The following ZFHX3 variants were observed in gnomAD, a reference collection of about 807,000 sequenced individuals.
The protein encoded by ZFHX3 is zinc finger homeobox protein 3.
Under a neutral mutation model 279.1 loss-of-function variants are expected in ZFHX3, and 42 were observed. The observed-to-expected ratio is 0.15, with a 90% CI of 0.12 to 0.19. The LOEUF (loss-of-function observed/expected upper bound fraction) is 0.19. ZFHX3 is among the 10% of genes least tolerant of loss of function. ZFHX3 has a pLI of 1.00. For synonymous variants in ZFHX3, 2,293 were observed against 1,957.8 expected, an observed-to-expected ratio of 1.17 and a Z score of -4.52; for missense variants, 4,981 against 4,754.0, an observed-to-expected ratio of 1.05 and a Z score of -1.40.
intron 3 of ZFHX3, among the ~76,000 whole-genome samples, chr16:73,321,782 C>T (rs545067996): frequency 1.3e-5 from 2 of 152,224 alleles, no homozygotes; most frequent in African/African-American, 2.4e-5. Flanking sequence ...CCAGCTTTGT[C>T]CCTCTCCCCC....
chr16:73,810,359 G>A (rs1043179014), intron 1 of ZFHX3, among the ~76,000 whole-genome samples: 1 of 152,050 alleles, frequency 6.6e-6, no homozygotes, highest in Non-Finnish European at 1.5e-5. Flanking sequence ...TTTCCTATTT[G>A]CATAGAAAGT....
chr16:73,430,066 T>G (rs2017885055), intron 3 of ZFHX3, among the ~76,000 whole-genome samples: 1 of 151,994 alleles, frequency 6.6e-6, no homozygotes, highest in South Asian at 2.1e-4. Flanking sequence ...AAAAAATTTT[T>G]TTTTGTAGAG....
chr16:73,772,730 A>G (rs1216812560), intron 1 of ZFHX3, among the ~76,000 whole-genome samples: 1 of 152,070 alleles, frequency 6.6e-6, no homozygotes, highest in Non-Finnish European at 1.5e-5. Flanking sequence ...GGTATTCTTC[A>G]CCTGGCCATT....
intron 1 of ZFHX3, among the ~76,000 whole-genome samples, chr16:73,853,064 C>G (rs1597144406): frequency 6.6e-6 from 1 of 152,268 alleles, no homozygotes; most frequent in East Asian, 1.9e-4. Flanking sequence ...GGTCAATAAA[C>G]ACATGAAACA....
intron 1 of ZFHX3, among the ~76,000 whole-genome samples, chr16:72,963,694 C>T (rs532115065): frequency 6.6e-6 from 1 of 152,178 alleles, no homozygotes; most frequent in Non-Finnish European, 1.5e-5. Context: ...ACGTTCATCT[C>T]CCTCTTTAAA....
chr16:73,630,330 G>T (rs894827834), intron 2 of ZFHX3, among the ~76,000 whole-genome samples: 1 of 152,230 alleles, frequency 6.6e-6, no homozygotes, highest in Non-Finnish European at 1.5e-5. Context: ...CCTGCTCTCA[G>T]AAGGAACAAG....
chr16:73,113,298 A>G (rs1361797129), intron 7 of ZFHX3, among the ~76,000 whole-genome samples: 6 of 152,194 alleles, frequency 3.9e-5, no homozygotes, highest in African/African-American at 1.4e-4. Flanking sequence ...ACAATATAAG[A>G]TCTTTCACCA....
intron 3 of ZFHX3, among the ~76,000 whole-genome samples, chr16:73,372,141 A>T (rs1331857224): frequency 6.6e-6 from 1 of 152,166 alleles, no homozygotes; most frequent in Non-Finnish European, 1.5e-5. Context: ...GGTGATCCGG[A>T]GTTGAGAAAT....
intron 1 of ZFHX3, among the ~76,000 whole-genome samples, chr16:73,001,432 G>C (rs571988493): frequency 6.6e-6 from 1 of 152,170 alleles, no homozygotes; most frequent in African/African-American, 2.4e-5. Context: ...AAGATAATAA[G>C]TGCTTGCCAT....
rs149765590 is a variant in ZFHX3 at position 73,598,229 on chromosome 16, G to C, written c.-1547+81951C>G. Among the ~76,000 whole-genome samples the C allele has an allele frequency of 2.0e-4, 31 of 152,218 alleles. No homozygotes were observed. The East Asian group carries it at 5.6e-3, about 28-fold the overall frequency. ...TTTCTGCATTTCAGAGAGCTTACCA[G>C]CTTGTATCTACTTTTATTTTCTCTG... On this transcript the variant is annotated intron_variant, in intron 2 of 17. Transcript: ENST00000641206.
chr16:73,058,607 T>C, exon 1 of ZFHX3: 1 of 216,636 alleles, frequency 4.6e-6, no homozygotes, highest in Non-Finnish European at 8.7e-6. Flanking sequence ...GCGGCGCTTT[T>C]AATCCCGAAA....
chr16:73,304,567 C>T (rs1162656868), intron 4 of ZFHX3, among the ~76,000 whole-genome samples: 1 of 152,196 alleles, frequency 6.6e-6, no homozygotes, highest in Non-Finnish European at 1.5e-5. Context: ...AAAATATGAG[C>T]GCATGCTCCC....
At chr16:73,713,565 A>C (rs929496801) in intron 1 of ZFHX3, among the ~76,000 whole-genome samples, 6 of 152,116 alleles carry the variant, frequency 3.9e-5, no homozygotes, top group African/African-American at 1.4e-4. Flanking sequence ...GACAGCTTTC[A>C]AAGTACCCGC....
intron 3 of ZFHX3, among the ~76,000 whole-genome samples, chr16:73,437,235 G>A (rs944804975): frequency 6.6e-5 from 10 of 152,156 alleles, no homozygotes; most frequent in African/African-American, 2.2e-4. Flanking sequence ...AAAAAACTTA[G>A]GGCCAGAGAG....
At position 72,851,956 on chromosome 16, in the gene ZFHX3, A is replaced by G. The variant is rs114992310; in HGVS notation, c.3449-22097T>C. 5.3e-3 allele frequency among the ~76,000 whole-genome samples: 800 copies of G among 152,302 alleles called. 13 individuals carry two copies. Among genetic ancestry groups the G allele is most frequent in the African/African-American group, 0.018 (733 of 41,566 alleles). On this transcript the variant is annotated intron_variant, in intron 4 of 9. Coordinates refer to ENST00000268489, the MANE Select transcript of ZFHX3 (RefSeq NM_006885.4). ...TGAACTAGTTACGTGGCCAAGTTAA[A>G]CAGCTTTTGCGTAGACTTTAGCATA...
intron 1 of ZFHX3, among the ~76,000 whole-genome samples, chr16:73,859,932 C>T (rs1484134287): frequency 2.0e-5 from 3 of 152,104 alleles, no homozygotes; most frequent in Non-Finnish European, 2.9e-5. Flanking sequence ...GCAGCAGGGG[C>T]GGCCTGTAGA....
chr16:72,944,369 T>C (rs1960561034), intron 3 of ZFHX3, among the ~76,000 whole-genome samples: 1 of 152,164 alleles, frequency 6.6e-6, no homozygotes, highest in African/African-American at 2.4e-5. Flanking sequence ...TGTGTACAGA[T>C]ACATACACAC....
At chr16:73,585,505 T>C (rs1034372643) in intron 2 of ZFHX3, among the ~76,000 whole-genome samples, 4 of 152,154 alleles carry the variant, frequency 2.6e-5, no homozygotes, top group African/African-American at 9.7e-5. Flanking sequence ...TGGGGCTTAA[T>C]ACCTTGGTGA....
At chr16:73,546,887 C>T (rs2020124541) in intron 2 of ZFHX3, among the ~76,000 whole-genome samples, 1 of 152,008 alleles carries the variant, frequency 6.6e-6, no homozygotes, top group South Asian at 2.1e-4. Context: ...TGTTCAGAGT[C>T]ACGGCCATCC....
Sources: allele counts gnomAD v4.1 joint callset (sites outside exome capture counted in the v4.1 genomes callset), GRCh38; gene constraint gnomAD v4.1.1; transcripts MANE v1.5; gene names NCBI Gene and HGNC (gene_info 2026-07-23, HGNC 2026-07-21).